GRIK1: variants seen among roughly 807,000 people sequenced by gnomAD.
The protein encoded by GRIK1 is glutamate ionotropic receptor kainate type subunit 1.
A neutral mutation model predicts 105.7 loss-of-function variants in GRIK1; 69 were observed. That is an observed-to-expected ratio of 0.65 (90% CI 0.54 to 0.80). The LOEUF (loss-of-function observed/expected upper bound fraction) is 0.80, where lower values mean the gene tolerates loss of function less well. Among genes scored for constraint, GRIK1 ranks in the 30% least tolerant of loss-of-function variants. GRIK1 has a pLI of 0.00. For missense variants in GRIK1, 1,109 were observed against 1,167.3 expected (o/e 0.95, Z 0.73); for synonymous variants, 438 against 431.3 (o/e 1.02, Z -0.19).
At chr21:29,732,960 G>A (rs2064679080) in intron 1 of GRIK1, among the ~76,000 whole-genome samples, 2 of 152,134 alleles carry the variant, frequency 1.3e-5, no homozygotes, top group South Asian at 4.1e-4. Flanking sequence ...TATGTTTAAT[G>A]GTTTAGATTT....
intron 15 of GRIK1, among the ~76,000 whole-genome samples, chr21:29,559,665 C>T (rs1344226612): frequency 1.3e-5 from 2 of 152,160 alleles, no homozygotes; most frequent in Non-Finnish European, 2.9e-5. Context: ...GCTGTGTATT[C>T]ATGGTAAATA....
intron 7 of GRIK1, chr21:29,601,337 A>G: frequency 2.5e-6 from 1 of 405,942 alleles, no homozygotes; most frequent in Non-Finnish European, 5.3e-6. Flanking sequence ...CCAGCTTTCC[A>G]GGGTCTCTAG....
At chr21:29,923,815 C>T (rs2071266472) in intron 1 of GRIK1, among the ~76,000 whole-genome samples, 1 of 152,076 alleles carries the variant, frequency 6.6e-6, no homozygotes, top group East Asian at 1.9e-4. Flanking sequence ...ATAGGCTTTT[C>T]TAAGAGGAGA....
chr21:29,884,770 T>A (rs1426932392), intron 1 of GRIK1, among the ~76,000 whole-genome samples: 6 of 152,046 alleles, frequency 3.9e-5, no homozygotes, highest in Admixed American at 3.9e-4. Context: ...CTTGACTAGT[T>A]AAAACTGACA....
rs925628226 is a variant in GRIK1 at position 29,577,004 on chromosome 21, T to C, written c.2090A>G (p.Tyr697Cys). 4 of 1,613,300 alleles carry C rather than the reference T, an allele frequency of 2.5e-6. No individual in the cohort carries two copies. Among genetic ancestry groups the C allele is most frequent in the Non-Finnish European group, 3.4e-6 (4 of 1,179,438 alleles). ...DDLAKQTKIE[Y>C]GAVRDGSTMT... ...TGTTGATCCATCTCTAACCGCCCCA[T>C]ATTCTATCTTGGTTTGCTTTGCCAG... The change falls in exon 14 of 18, where the codon TAT becomes TGT. Residue 697 changes from tyrosine to cysteine, a missense_variant. Transcript: ENST00000327783.
At chr21:29,777,572 T>A (rs908280580) in intron 1 of GRIK1, among the ~76,000 whole-genome samples, 9 of 152,110 alleles carry the variant, frequency 5.9e-5, no homozygotes, top group African/African-American at 2.2e-4. Context: ...AAAGGTCTAA[T>A]TGTGTTTGGA....
intron 1 of GRIK1, among the ~76,000 whole-genome samples, chr21:29,694,272 C>T (rs2063648322): frequency 1.3e-5 from 2 of 151,954 alleles, no homozygotes; most frequent in South Asian, 4.1e-4. Flanking sequence ...TGCATGTGTG[C>T]ACTACCATGC....
At chr21:29,601,242 C>T in intron 7 of GRIK1, 1 of 510,214 alleles carries the variant, frequency 2.0e-6, no homozygotes, top group South Asian at 1.4e-5. Context: ...GAAACAGCGG[C>T]CTTCACCTGT....
intron 1 of GRIK1, among the ~76,000 whole-genome samples, chr21:29,816,545 T>C (rs1360728591): frequency 6.6e-6 from 1 of 152,126 alleles, no homozygotes; most frequent in East Asian, 1.9e-4. Flanking sequence ...ACCCTCAGTG[T>C]CCAACAACAG....
chr21:29,587,957 T>C (rs935707232), intron 11 of GRIK1, among the ~76,000 whole-genome samples: 5 of 142,890 alleles, frequency 3.5e-5, no homozygotes, highest in African/African-American at 7.9e-5. Flanking sequence ...CTGAAAACTT[T>C]AAAATTCTTT....
chr21:29,902,681 A>G (rs1275896781), intron 1 of GRIK1, among the ~76,000 whole-genome samples: 2 of 152,240 alleles, frequency 1.3e-5, no homozygotes, highest in Non-Finnish European at 2.9e-5. Context: ...ATGCTCATGG[A>G]TAGGAAGAAT....
chr21:29,596,975 C>CAA lies in GRIK1; in HGVS notation c.1207-406_1207-405insTT, dbSNP rs553662320. On this transcript the variant is annotated intron_variant, in intron 8 of 17. Coordinates refer to ENST00000327783, the MANE Select transcript of GRIK1 (RefSeq NM_001330994.2). Reference sequence around the variant, plus strand: ...CAATACACACACACACACACAAACACACACACACACAGACACACACATATA... The same window carrying CAA: ...CAATACACACACACACACACAAACACAAACACACACACAGACACACACATATA... Among the ~76,000 whole-genome samples, 301 of 152,240 alleles carry CAA rather than the reference C, an allele frequency of 2.0e-3. 1 individual carries two copies. Among genetic ancestry groups the CAA allele is most frequent in the African/African-American group, 6.8e-3 (282 of 41,544 alleles).
intron 14 of GRIK1, among the ~76,000 whole-genome samples, chr21:29,572,393 T>TA (rs756293849): frequency 1.8e-4 from 27 of 152,278 alleles, no homozygotes; most frequent in Non-Finnish European, 2.6e-4. Flanking sequence ...TGTGGGTCCC[T>TA]ATGTATCCAT....
Position 29,894,126 on chromosome 21 carries a change from C to G in GRIK1, c.118+45257G>C, listed in dbSNP as rs185015849. Reference sequence around the variant, plus strand: ...TGATGAAGAAGGGCCTTGTATTAGTCAGGGTTCTCTAGAGGGACAGAACTA... The same window carrying G: ...TGATGAAGAAGGGCCTTGTATTAGTGAGGGTTCTCTAGAGGGACAGAACTA... On this transcript the variant is annotated intron_variant, in intron 1 of 17. Transcript: ENST00000327783. Among the ~76,000 whole-genome samples, 3 of 152,188 alleles carry G rather than the reference C, an allele frequency of 2.0e-5. No homozygotes were observed. In the East Asian group the frequency reaches 5.8e-4, roughly 29 times the overall value.
intron 1 of GRIK1, among the ~76,000 whole-genome samples, chr21:29,885,762 A>G (rs985782840): frequency 2.6e-5 from 4 of 152,064 alleles, no homozygotes; most frequent in African/African-American, 9.7e-5. Flanking sequence ...GAGGTGAATG[A>G]CCTTCCATAA....
chr21:29,932,809 A>G (rs2071613112), intron 1 of GRIK1, among the ~76,000 whole-genome samples: 1 of 152,060 alleles, frequency 6.6e-6, no homozygotes. Flanking sequence ...AGAATAGGTT[A>G]AATTGTAAAT....
intron 1 of GRIK1, among the ~76,000 whole-genome samples, chr21:29,782,771 C>T (rs1046296581): frequency 6.6e-6 from 1 of 152,176 alleles, no homozygotes; most frequent in African/African-American, 2.4e-5. Context: ...AATTCATCTC[C>T]CTTTTAATAA....
intron 2 of GRIK1, 79 bp from the exon 3 acceptor site, chr21:29,690,064 A>AT: frequency 2.6e-6 from 3 of 1,156,796 alleles, no homozygotes; most frequent in Non-Finnish European, 3.7e-6. Flanking sequence ...TATGAATTTA[A>AT]TTTTTTCTTT....
intron 1 of GRIK1, among the ~76,000 whole-genome samples, chr21:29,897,974 G>A (rs757407577): frequency 1.3e-5 from 2 of 152,166 alleles, no homozygotes; most frequent in African/African-American, 2.4e-5. Flanking sequence ...TTATATTTTA[G>A]AGATGAGGAA....
Sources: allele counts gnomAD v4.1 joint callset (sites outside exome capture counted in the v4.1 genomes callset), GRCh38; gene constraint gnomAD v4.1.1; transcripts MANE v1.5; gene names NCBI Gene and HGNC (gene_info 2026-07-23, HGNC 2026-07-21).